The following EDA variants were observed in gnomAD, a reference collection of about 807,000 sequenced individuals.
The protein encoded by EDA is ectodysplasin A, also known as ectodysplasin-A.
In EDA, 2 loss-of-function variants were observed where a neutral mutation model predicts 23.6. The ratio of observed to expected loss-of-function variants is 0.08; its 90% CI spans 0.03 to 0.27. EDA has a LOEUF of 0.27. Ranked by LOEUF, EDA falls within the 10% of genes least tolerant of loss-of-function variation. The probability of loss-of-function intolerance (pLI) is 1.00; values close to 1 mark genes in which losing one functional copy is unlikely to be tolerated. For missense variants in EDA, 229 were observed against 324.2 expected (o/e 0.71, Z 2.26); for synonymous variants, 131 against 132.0 (o/e 0.99, Z 0.05).
intron 1 of EDA, among the ~76,000 whole-genome samples, chrX:69,769,723 G>GA (rs1002256787): frequency 1.8e-5 from 2 of 110,692 alleles, no homozygotes; most frequent in African/African-American, 6.5e-5. Context: ...CACACAACAA[G>GA]AAAAAAAATT....
intron 1 of EDA, among the ~76,000 whole-genome samples, chrX:69,852,567 G>A (rs1253250878): frequency 1.8e-5 from 2 of 111,302 alleles, no homozygotes; most frequent in Admixed American, 9.6e-5. Flanking sequence ...CCTTTAGTTC[G>A]GTTTTAATGG....
chrX:69,788,872 C>T (rs1259379146), intron 1 of EDA, among the ~76,000 whole-genome samples: 13 of 113,029 alleles, frequency 1.2e-4, no homozygotes, highest in South Asian at 3.6e-4. Flanking sequence ...TGGGCAATGG[C>T]GGGCGCCCCT....
chrX:69,957,127 C>T lies in EDA; in HGVS notation c.497C>T (p.Ala166Val), dbSNP rs1237632459. 5.8e-6 allele frequency: 7 copies of T among 1,202,189 alleles called. No homozygotes were observed. Among genetic ancestry groups the T allele is most frequent in the South Asian group, 5.3e-5 (3 of 56,732 alleles). The change falls in exon 2 of 8, where the codon GCA becomes GTA. Residue 166 changes from alanine to valine, a missense_variant. Transcript: ENST00000374552. ...RNKRSKSNEG[A>V]DGPVKNKKKG... Reference sequence around the variant, plus strand: ...AAAAGAAGCAAAAGCAATGAAGGAGCAGATGGTAAGTCTACTCAGTTGATC... The same window carrying T: ...AAAAGAAGCAAAAGCAATGAAGGAGTAGATGGTAAGTCTACTCAGTTGATC...
At chrX:69,796,681 G>A (rs1449436889) in intron 1 of EDA, among the ~76,000 whole-genome samples, 2 of 111,725 alleles carry the variant, frequency 1.8e-5, no homozygotes, top group Non-Finnish European at 3.8e-5. Flanking sequence ...AAGGGATGAT[G>A]ACATCTCCAA....
intron 2 of EDA, among the ~76,000 whole-genome samples, chrX:69,964,721 C>T (rs1227304869): frequency 1.8e-5 from 2 of 111,287 alleles, no homozygotes; most frequent in Non-Finnish European, 3.8e-5. Flanking sequence ...ACTGCTAGCT[C>T]ACTTCTGTAT....
At chrX:69,950,078 A>T (rs2018891975) in intron 1 of EDA, among the ~76,000 whole-genome samples, 1 of 85,753 alleles carries the variant, frequency 1.2e-5, no homozygotes, top group African/African-American at 4.4e-5. Flanking sequence ...ACAAAAGCCA[A>T]AATTGACAAA....
chrX:69,772,212 G>A (rs2014658994), intron 1 of EDA, among the ~76,000 whole-genome samples: 1 of 111,388 alleles, frequency 9.0e-6, no homozygotes, highest in South Asian at 3.8e-4. Context: ...CTCTCACCTT[G>A]GCCTCCCAAA....
chrX:69,758,119 G>C (rs951768488), intron 1 of EDA, among the ~76,000 whole-genome samples: 1 of 112,346 alleles, frequency 8.9e-6, no homozygotes, highest in African/African-American at 3.2e-5. Flanking sequence ...TATTCCTCCA[G>C]TTCTACTACT....
At chrX:69,746,789 G>A (rs970061702) in intron 1 of EDA, among the ~76,000 whole-genome samples, 1 of 111,326 alleles carries the variant, frequency 9.0e-6, no homozygotes, top group Non-Finnish European at 1.9e-5. Context: ...CCATCCTCCG[G>A]ATGGTGAGGA....
chrX:70,025,079 C>T (rs756048699), intron 3 of EDA, among the ~76,000 whole-genome samples: 6 of 111,630 alleles, frequency 5.4e-5, no homozygotes, highest in South Asian at 3.8e-4. Flanking sequence ...CTTGCCTAAC[C>T]CTTGTTGCAG....
At chrX:69,638,957 A>G (rs1932809163) in intron 1 of EDA, among the ~76,000 whole-genome samples, 1 of 100,792 alleles carries the variant, frequency 9.9e-6, no homozygotes, top group African/African-American at 3.7e-5. Context: ...AGCCCCTATC[A>G]ACCATTAATC....
chrX:69,832,947 A>T (rs4844100), intron 1 of EDA, among the ~76,000 whole-genome samples: 45,965 of 109,084 alleles, frequency 0.42, 7,790 homozygotes, highest in East Asian at 0.72. Context: ...GGGCTGAGAC[A>T]ATGGGGTTTT....
At chrX:69,817,318 G>A (rs896924031) in intron 1 of EDA, among the ~76,000 whole-genome samples, 2 of 110,882 alleles carry the variant, frequency 1.8e-5, no homozygotes, top group African/African-American at 6.6e-5. Flanking sequence ...AAACAAGTCT[G>A]CAGAATAACC....
At chrX:69,699,484 C>A (rs764695923) in intron 1 of EDA, among the ~76,000 whole-genome samples, 2 of 110,908 alleles carry the variant, frequency 1.8e-5, no homozygotes, top group Admixed American at 9.6e-5. Flanking sequence ...TAGTACACTG[C>A]GGTGAGCTAG....
intron 1 of EDA, among the ~76,000 whole-genome samples, chrX:69,875,863 T>A (rs1425747182): frequency 8.9e-6 from 1 of 111,802 alleles, no homozygotes; most frequent in African/African-American, 3.3e-5. Flanking sequence ...AAGATATATA[T>A]AAACAGCCAA....
At chrX:69,944,904 C>T (rs186692679) in intron 1 of EDA, among the ~76,000 whole-genome samples, 1 of 112,062 alleles carries the variant, frequency 8.9e-6, no homozygotes, top group Non-Finnish European at 1.9e-5. Context: ...AATGCTCCTT[C>T]CATGGTTGCC....
chrX:69,866,908 G>A (rs1894911136), intron 1 of EDA, among the ~76,000 whole-genome samples: 1 of 112,235 alleles, frequency 8.9e-6, no homozygotes, highest in African/African-American at 3.2e-5. Context: ...AAGGCATTCC[G>A]TTAGTCCACG....
chrX:69,790,829 TAG>T (rs2015383484), intron 1 of EDA, among the ~76,000 whole-genome samples: 1 of 68,603 alleles, frequency 1.5e-5, no homozygotes, highest in Non-Finnish European at 2.7e-5. Context: ...TTTTGTCAGC[TAG>T]TAATTTCCTC....
intron 1 of EDA, among the ~76,000 whole-genome samples, chrX:69,870,695 G>A (rs756243838): frequency 7.2e-5 from 8 of 111,404 alleles, no homozygotes; most frequent in South Asian, 7.6e-4. Flanking sequence ...GTCCTCCCAC[G>A]CATCCCCATT....
Sources: allele counts gnomAD v4.1 joint callset (sites outside exome capture counted in the v4.1 genomes callset), GRCh38; gene constraint gnomAD v4.1.1; transcripts MANE v1.5; gene names NCBI Gene and HGNC (gene_info 2026-07-23, HGNC 2026-07-21).